The following EBF1 variants were observed in gnomAD, a reference collection of about 807,000 sequenced individuals.
EBF1 encodes transcription factor COE1.
In EBF1, 10 loss-of-function variants were observed where a neutral mutation model predicts 68.4. That is an observed-to-expected ratio of 0.15 (90% CI 0.09 to 0.25). The LOEUF (loss-of-function observed/expected upper bound fraction) is 0.25. EBF1 is among the 10% of genes least tolerant of loss of function. The pLI is 1.00. For synonymous variants in EBF1, 298 were observed against 299.8 expected, an observed-to-expected ratio of 0.99 and a Z score of 0.06; for missense variants, 509 against 794.4, an observed-to-expected ratio of 0.64 and a Z score of 4.32.
chr5:158,887,716 C>A (rs1371846318), intron 6 of EBF1, among the ~76,000 whole-genome samples: 1 of 152,192 alleles, frequency 6.6e-6, no homozygotes, highest in Non-Finnish European at 1.5e-5. Flanking sequence ...CTTTTATACT[C>A]CTCTATTTAT....
At chr5:159,075,265 CATT>C (rs1778549505) in intron 5 of EBF1, among the ~76,000 whole-genome samples, 2 of 152,162 alleles carry the variant, frequency 1.3e-5, no homozygotes, top group Non-Finnish European at 2.9e-5. Context: ...AATGAAGCAT[CATT>C]ATCACCCCCT....
chr5:158,822,449 G>A (rs982072032), intron 8 of EBF1, among the ~76,000 whole-genome samples: 2 of 152,192 alleles, frequency 1.3e-5, no homozygotes, highest in Non-Finnish European at 2.9e-5. Flanking sequence ...GTTCTTCTGA[G>A]TGGCATTCAC....
At chr5:158,956,037 TG>T (rs1817006473) in intron 6 of EBF1, among the ~76,000 whole-genome samples, 1 of 60,284 alleles carries the variant, frequency 1.7e-5, no homozygotes, top group Non-Finnish European at 3.9e-5. Context: ...AATGTGTGTG[TG>T]TGTGTGTGTG....
At chr5:158,832,065 G>A (rs569344860) in intron 7 of EBF1, among the ~76,000 whole-genome samples, 1 of 152,350 alleles carries the variant, frequency 6.6e-6, no homozygotes, top group Non-Finnish European at 1.5e-5. Flanking sequence ...TTAAAAAGTG[G>A]AAGAATATAA....
intron 10 of EBF1, among the ~76,000 whole-genome samples, chr5:158,744,024 A>C (rs1767004669): frequency 6.6e-6 from 1 of 152,032 alleles, no homozygotes; most frequent in African/African-American, 2.4e-5. Flanking sequence ...TACAAAAATC[A>C]GCCAGGTGTG....
chr5:158,967,693 G>A (rs1214516897), intron 6 of EBF1, among the ~76,000 whole-genome samples: 1 of 152,164 alleles, frequency 6.6e-6, no homozygotes, highest in Non-Finnish European at 1.5e-5. Flanking sequence ...GGGAAGTGGG[G>A]AGGGATTTCC....
At chr5:158,899,827 G>A (rs1802910164) in intron 6 of EBF1, among the ~76,000 whole-genome samples, 1 of 152,220 alleles carries the variant, frequency 6.6e-6, no homozygotes, top group Admixed American at 6.5e-5. Flanking sequence ...CCATTTCCAT[G>A]AGAAAGGTGC....
At chr5:158,952,917 C>A (rs1583430800) in intron 6 of EBF1, among the ~76,000 whole-genome samples, 2 of 151,896 alleles carry the variant, frequency 1.3e-5, no homozygotes, top group African/African-American at 4.8e-5. Context: ...TCCTTTAAAA[C>A]AACTTCTGCA....
chr5:159,095,735 G>A lies in EBF1; in HGVS notation c.356-60C>T, dbSNP rs1782484279. On this transcript the variant is annotated intron_variant, in intron 3 of 15. Coordinates refer to ENST00000313708, the MANE Select transcript of EBF1 (RefSeq NM_024007.5). ...AGTGAGAGGTTACGGAGGGTGGGTGGACAATAATTAACAACAACAAAAAAT... is the reference window on the plus strand; with the variant it reads ...AGTGAGAGGTTACGGAGGGTGGGTGAACAATAATTAACAACAACAAAAAAT... 2.6e-6 allele frequency: 4 copies of A among 1,564,878 alleles called. No individual in the cohort carries two copies. The East Asian group carries it at 6.7e-5, about 26-fold the overall frequency.
chr5:158,860,940 C>T (rs1794863454), intron 6 of EBF1, among the ~76,000 whole-genome samples: 1 of 152,178 alleles, frequency 6.6e-6, no homozygotes, highest in African/African-American at 2.4e-5. Context: ...GACACACATT[C>T]CAGAGCTGGG....
At chr5:159,066,481 G>A (rs1256250820) in intron 6 of EBF1, among the ~76,000 whole-genome samples, 2 of 152,016 alleles carry the variant, frequency 1.3e-5, no homozygotes, top group African/African-American at 4.8e-5. Context: ...TTCATAGATG[G>A]AACGCCAATG....
chr5:158,829,506 A>T (rs185114060), intron 7 of EBF1, among the ~76,000 whole-genome samples: 1 of 152,148 alleles, frequency 6.6e-6, no homozygotes, highest in East Asian at 1.9e-4. Flanking sequence ...GGATTTTAAT[A>T]ACATATTAAT....
intron 6 of EBF1, among the ~76,000 whole-genome samples, chr5:158,888,418 G>A (rs566721140): frequency 1.8e-4 from 28 of 152,178 alleles, no homozygotes; most frequent in African/African-American, 6.7e-4. Context: ...AGAAAGTTGT[G>A]TACATTCATT....
intron 7 of EBF1, among the ~76,000 whole-genome samples, chr5:158,830,927 C>A (rs1400756659): frequency 6.6e-6 from 1 of 152,156 alleles, no homozygotes. Flanking sequence ...TGAGGCAAAA[C>A]CAGCTCTTAA....
intron 8 of EBF1, among the ~76,000 whole-genome samples, chr5:158,800,683 G>C (rs7726369): frequency 0.15 from 23,124 of 152,128 alleles, 2,852 homozygotes; most frequent in African/African-American, 0.34. Context: ...CAGACAACAT[G>C]CAAAGCAGCC....
intron 4 of EBF1, among the ~76,000 whole-genome samples, chr5:159,093,627 A>T (rs1782035475): frequency 6.6e-6 from 1 of 152,084 alleles, no homozygotes; most frequent in South Asian, 2.1e-4. Context: ...ATGATATTTG[A>T]TGTATTGCTT....
At chr5:158,709,622 A>T (rs73816042) in intron 14 of EBF1, among the ~76,000 whole-genome samples, 21,922 of 152,226 alleles carry the variant, frequency 0.14, 1,668 homozygotes, top group Admixed American at 0.16. Context: ...CCTTCTAATC[A>T]GTCCAAGGCA....
At chr5:158,743,616 T>G (rs1278244335) in intron 10 of EBF1, among the ~76,000 whole-genome samples, 1 of 152,146 alleles carries the variant, frequency 6.6e-6, no homozygotes, top group Non-Finnish European at 1.5e-5. Context: ...GGGGTGGTCA[T>G]GGAGGAAAAA....
chr5:158,721,158 T>G (rs1761855422), intron 11 of EBF1, among the ~76,000 whole-genome samples: 1 of 140,160 alleles, frequency 7.1e-6, no homozygotes, highest in African/African-American at 2.5e-5. Context: ...CTCCTCTGAT[T>G]TTAAAGTTGA....
Sources: allele counts gnomAD v4.1 joint callset (sites outside exome capture counted in the v4.1 genomes callset), GRCh38; gene constraint gnomAD v4.1.1; transcripts MANE v1.5; gene names NCBI Gene and HGNC (gene_info 2026-07-23, HGNC 2026-07-21).